ARL3: variants seen among roughly 807,000 people sequenced by gnomAD.
ARL3 encodes ARF like GTPase 3.
Under a neutral mutation model 26.0 loss-of-function variants are expected in ARL3, and 9 were observed. That is an observed-to-expected ratio of 0.35 (90% CI 0.21 to 0.60). The LOEUF (loss-of-function observed/expected upper bound fraction) is 0.60. ARL3 is among the 20% of genes least tolerant of loss of function. The probability of loss-of-function intolerance (pLI) is 0.78; values close to 1 mark genes in which losing one functional copy is unlikely to be tolerated. For missense variants in ARL3, 158 were observed against 215.7 expected (o/e 0.73, Z 1.67); for synonymous variants, 71 against 78.4 (o/e 0.91, Z 0.50).
intron 3 of ARL3, among the ~76,000 whole-genome samples, chr10:102,693,361 GT>G (rs1026056501): frequency 1.3e-5 from 2 of 149,218 alleles, no homozygotes; most frequent in Non-Finnish European, 1.5e-5. Context: ...GGTATTGTCA[GT>G]TTTTTTTTTA....
chr10:102,693,228 T>C (rs1197244315), intron 3 of ARL3, among the ~76,000 whole-genome samples: 1 of 152,224 alleles, frequency 6.6e-6, no homozygotes, highest in Non-Finnish European at 1.5e-5. Context: ...TGCTGGACTG[T>C]ATGCTAAGAC....
chr10:102,689,357 T>C (rs1421836809), intron 4 of ARL3, among the ~76,000 whole-genome samples: 9 of 152,068 alleles, frequency 5.9e-5, no homozygotes, highest in African/African-American at 1.4e-4. Flanking sequence ...TTTAAAGAAC[T>C]CTCAACTAAT....
chr10:102,682,339 A>T lies in ARL3; in HGVS notation c.501+3477T>A, dbSNP rs571674502. 3.3e-5 allele frequency among the ~76,000 whole-genome samples: 5 copies of T among 152,212 alleles called. No homozygotes were observed. The South Asian group carries it at 1.0e-3, about 32-fold the overall frequency. The stretch of plus-strand genomic sequence containing the variant: ...TGGTCTCCCGTGAAAACCTGCTTTA[A>T]TCATACAATGGGCTGGCTTCCCAGT... On this transcript the variant is annotated intron_variant, in intron 5 of 5. Coordinates refer to ENST00000260746, the MANE Select transcript of ARL3 (RefSeq NM_004311.4).
chr10:102,696,850 G>A (rs1166245055), intron 3 of ARL3, among the ~76,000 whole-genome samples: 1 of 152,204 alleles, frequency 6.6e-6, no homozygotes, highest in Admixed American at 6.6e-5. Flanking sequence ...ACCAGCCGCT[G>A]AAGTGGAGAT....
At chr10:102,678,687 C>A (rs539148469) in intron 5 of ARL3, among the ~76,000 whole-genome samples, 1 of 152,292 alleles carries the variant, frequency 6.6e-6, no homozygotes, top group Non-Finnish European at 1.5e-5. Context: ...TGCTTTATGG[C>A]TGATTAAGGA....
At chr10:102,690,679 G>C (rs1263310721) in intron 3 of ARL3, among the ~76,000 whole-genome samples, 3 of 152,018 alleles carry the variant, frequency 2.0e-5, no homozygotes, top group Admixed American at 6.6e-5. Flanking sequence ...ATCTTGAAAA[G>C]ACATTTATAT....
At position 102,709,287 on chromosome 10, in the gene ARL3, GT is replaced by G. The variant is rs796453015; in HGVS notation, c.4-3799del. ...TTTTAAAGAAGTTACTAAAAATACT[GT>G]TTTTTTTTTCAGGCAGAGACTTGCT... On this transcript the variant is annotated intron_variant, in intron 1 of 5. Coordinates refer to ENST00000260746, the MANE Select transcript of ARL3 (RefSeq NM_004311.4). 1.1e-3 allele frequency among the ~76,000 whole-genome samples: 158 copies of G among 145,708 alleles called. 1 individual carries two copies. The East Asian group carries it at 0.016, about 15-fold the overall frequency.
chr10:102,691,066 T>A (rs1208123057), intron 3 of ARL3, among the ~76,000 whole-genome samples: 2 of 152,084 alleles, frequency 1.3e-5, no homozygotes, highest in African/African-American at 4.8e-5. Context: ...GTAGGCAAAC[T>A]TTTTCTGTAA....
chr10:102,712,130 G>A (rs1408424836), intron 1 of ARL3, among the ~76,000 whole-genome samples: 1 of 152,142 alleles, frequency 6.6e-6, no homozygotes, highest in Non-Finnish European at 1.5e-5. Context: ...ACCTGGCACT[G>A]TAAAGCAGGG....
intron 1 of ARL3, among the ~76,000 whole-genome samples, chr10:102,708,625 G>A (rs1450175769): frequency 6.6e-6 from 1 of 151,922 alleles, no homozygotes; most frequent in Admixed American, 6.6e-5. Flanking sequence ...GGGAGGCCGA[G>A]GTGGGTGGAT....
chr10:102,700,770 CTT>C (rs34708600), intron 2 of ARL3, among the ~76,000 whole-genome samples: 38 of 98,614 alleles, frequency 3.9e-4, no homozygotes, highest in South Asian at 1.1e-3. Context: ...AGCCGGAAGT[CTT>C]TTTTTTTTTT....
intron 4 of ARL3, among the ~76,000 whole-genome samples, chr10:102,686,892 T>A (rs1255120576): frequency 2.9e-5 from 1 of 34,516 alleles, no homozygotes; most frequent in South Asian, 9.2e-4. Context: ...TTTTTTTTTT[T>A]TTGAGACGAG....
intron 1 of ARL3, among the ~76,000 whole-genome samples, chr10:102,712,891 T>G (rs189814214): frequency 6.6e-6 from 1 of 152,134 alleles, no homozygotes; most frequent in East Asian, 1.9e-4. Flanking sequence ...CTGTTTAGCC[T>G]GAGGTTAAAA....
intron 5 of ARL3, among the ~76,000 whole-genome samples, chr10:102,683,283 A>C (rs1008166264): frequency 6.6e-6 from 1 of 152,190 alleles, no homozygotes; most frequent in Non-Finnish European, 1.5e-5. Context: ...CCACGAAAGG[A>C]CAATAGACAG....
chr10:102,679,207 G>C (rs1199683900), intron 5 of ARL3, among the ~76,000 whole-genome samples: 1 of 152,208 alleles, frequency 6.6e-6, no homozygotes, highest in Non-Finnish European at 1.5e-5. Context: ...CAATCACGTG[G>C]CCATGGATCT....
chr10:102,699,518 T>G, intron 2 of ARL3, 29 bp from the exon 3 acceptor site: 1 of 1,324,940 alleles, frequency 7.5e-7, no homozygotes, highest in Non-Finnish European at 1.1e-6. Flanking sequence ...CATCAAGTTT[T>G]ATTAAACTTT....
In ARL3 at chr10:102,676,873, G is replaced by C. The variant is rs765711720; in HGVS notation, c.*21C>G. ...ACCGAATTCGGCTCCCGCAGCTCCTGCATCTCCATTCGTCTAGATTTTATT... is the reference window on the plus strand; with the variant it reads ...ACCGAATTCGGCTCCCGCAGCTCCTCCATCTCCATTCGTCTAGATTTTATT... On this transcript the variant is annotated 3_prime_UTR_variant, in exon 6 of 6. Coordinates refer to ENST00000260746, the MANE Select transcript of ARL3 (RefSeq NM_004311.4). The C allele has an allele frequency of 3.1e-6, 5 of 1,613,238 alleles. No individual in the cohort carries two copies. The highest frequency in any genetic ancestry group is 3.3e-5 in the Admixed American group (2 of 59,992).
intron 4 of ARL3, among the ~76,000 whole-genome samples, chr10:102,686,866 C>CT (rs59400726): frequency 8.4e-5 from 5 of 59,656 alleles, no homozygotes; most frequent in African/African-American, 2.0e-4. Flanking sequence ...CAGGAATTTA[C>CT]TTTTTTTTTT....
chr10:102,693,445 CAT>C (rs1381586473), intron 3 of ARL3, among the ~76,000 whole-genome samples: 1 of 152,066 alleles, frequency 6.6e-6, no homozygotes, highest in East Asian at 1.9e-4. Flanking sequence ...TCCATAATGA[CAT>C]ATAATACTGA....
Sources: allele counts gnomAD v4.1 joint callset (sites outside exome capture counted in the v4.1 genomes callset), GRCh38; gene constraint gnomAD v4.1.1; transcripts MANE v1.5; gene names NCBI Gene and HGNC (gene_info 2026-07-23, HGNC 2026-07-21).